Variants in CACNA1B observed in about 807,000 individuals in gnomAD.
The protein encoded by CACNA1B is voltage-dependent N-type calcium channel subunit alpha-1B.
A neutral mutation model predicts 247.2 loss-of-function variants in CACNA1B; 70 were observed. The ratio of observed to expected loss-of-function variants is 0.28; its 90% confidence interval spans 0.23 to 0.35. The LOEUF is 0.35. CACNA1B is among the 10% of genes least tolerant of loss of function. The pLI, the probability that CACNA1B is intolerant of heterozygous loss-of-function variation, is 1.00. For missense variants in CACNA1B, 2,367 were observed against 3,197.4 expected, an observed-to-expected ratio of 0.74 and a Z score of 6.26; for synonymous variants, 1,231 against 1,294.4, an observed-to-expected ratio of 0.95 and a Z score of 1.05.
chr9:138,066,528 G>T (rs1589107795), intron 31 of CACNA1B, among the ~76,000 whole-genome samples: 1 of 152,180 alleles, frequency 6.6e-6, no homozygotes, highest in Non-Finnish European at 1.5e-5. Context: ...CTGCTGTGGG[G>T]CGTGAAAGTG....
chr9:138,108,193 T>C (rs1005632082), intron 39 of CACNA1B, among the ~76,000 whole-genome samples: 4 of 149,918 alleles, frequency 2.7e-5, no homozygotes, highest in Non-Finnish European at 5.9e-5. Flanking sequence ...AAAAATTAGC[T>C]GAATGTGGTG....
rs770287263 is a variant in CACNA1B, at chr9:138,072,833, C to G, written c.4675-655C>G. 1.3e-5 allele frequency among the ~76,000 whole-genome samples: 2 copies of G among 152,240 alleles called. No homozygotes were observed. Among genetic ancestry groups the G allele is most frequent in the Non-Finnish European group, 2.9e-5 (2 of 68,046 alleles). On this transcript the variant is annotated intron_variant, in intron 32 of 46. Coordinates refer to ENST00000371372, the MANE Select transcript of CACNA1B (RefSeq NM_000718.4). The surrounding 1 kb of genome is among the most constrained non-coding windows in gnomAD (Gnocchi z 4.5). ...AGGGAGCTCCACTAGACAGCCTGGG[C>G]TCTCTAGAGCAGAGGCCTGTTTGAC...
rs1438916364 is a variant in CACNA1B at position 138,087,300 on chromosome 9, A to C, written c.5094+9042A>C. On this transcript the variant is annotated intron_variant, in intron 36 of 46. Coordinates refer to ENST00000371372, the MANE Select transcript of CACNA1B (RefSeq NM_000718.4). Reference sequence around the variant, plus strand: ...CTCAGGAGGCTGAGGCAGGAGAATCACTTGAACCTGGGAGGCAGAGTTTGC... The same window carrying C: ...CTCAGGAGGCTGAGGCAGGAGAATCCCTTGAACCTGGGAGGCAGAGTTTGC... 1.4e-4 allele frequency among the ~76,000 whole-genome samples: 20 copies of C among 145,374 alleles called. No individual in the cohort carries two copies. In the East Asian group the frequency reaches 4.5e-3, roughly 32 times the overall value.
chr9:138,040,523 A>C (rs545268570), intron 20 of CACNA1B: 1 of 413,942 alleles, frequency 2.4e-6, no homozygotes, highest in Admixed American at 2.6e-5. Flanking sequence ...GAGTTTATTA[A>C]GTATTAACTT....
Position 138,078,184 on chromosome 9 carries a change from G to T in CACNA1B, c.5020G>T (p.Ala1674Ser). Reference protein sequence around the residue: ...CLSNQACDEQANATECGSDFA... With the variant: ...CLSNQACDEQSNATECGSDFA... The stretch of plus-strand genomic sequence containing the variant: ...GAGCAACCAGGCCTGTGATGAGCAG[G>T]CCAATGCCACCGAGTGTGGAAGTGA... Residue 1674 changes from alanine (A) to serine (S), a missense_variant, in exon 36 of 47, where the codon GCC becomes TCC. Coordinates refer to ENST00000371372, the MANE Select transcript of CACNA1B (RefSeq NM_000718.4). 6.2e-7 allele frequency: 1 copy of T among 1,613,924 alleles called. No homozygotes were observed. Among genetic ancestry groups the T allele is most frequent in the African/African-American group, 1.3e-5 (1 of 75,046 alleles).
At chr9:138,090,921 A>G (rs1960858432) in intron 36 of CACNA1B, among the ~76,000 whole-genome samples, 1 of 152,022 alleles carries the variant, frequency 6.6e-6, no homozygotes, top group African/African-American at 2.4e-5. Flanking sequence ...AAAAAAAATA[A>G]CAAATACTCA....
chr9:137,955,077 G>A lies in CACNA1B; in HGVS notation c.1071-621G>A, dbSNP rs1957931413. On this transcript the variant is annotated intron_variant, in intron 7 of 46. Transcript: ENST00000371372. This position sits in a 1 kb window ranked among gnomAD's most constrained non-coding sequence, Gnocchi z 6.9. ...CTGGGGTGAGATGTCGGGGGCCAATGACAGAAGGTCTCCTCTCCTGCTCAC... is the reference window on the plus strand; with the variant it reads ...CTGGGGTGAGATGTCGGGGGCCAATAACAGAAGGTCTCCTCTCCTGCTCAC... Among the ~76,000 whole-genome samples the A allele has an allele frequency of 6.6e-6, 1 of 152,046 alleles. No homozygotes were observed. Among genetic ancestry groups the A allele is most frequent in the African/African-American group, 2.4e-5 (1 of 41,380 alleles).
intron 31 of CACNA1B, 120 bp from the exon 32 acceptor site, chr9:138,069,638 T>C: frequency 1.3e-6 from 1 of 743,178 alleles, no homozygotes; most frequent in Non-Finnish European, 2.4e-6. Flanking sequence ...ACTCACGCCA[T>C]CCAACCAACA....
intron 23 of CACNA1B, among the ~76,000 whole-genome samples, chr9:138,048,838 C>T (rs957154839): frequency 5.3e-5 from 8 of 152,204 alleles, no homozygotes; most frequent in Admixed American, 4.6e-4. Flanking sequence ...ATGCCTCAGC[C>T]TCTCAAGTAA....
Position 138,118,018 on chromosome 9 carries a change from G to T in CACNA1B, c.5850G>T (p.Glu1950Asp). 2 of 1,601,434 alleles carry T rather than the reference G, an allele frequency of 1.2e-6. No individual in the cohort carries two copies. Among genetic ancestry groups the T allele is most frequent in the Non-Finnish European group, 1.7e-6 (2 of 1,173,914 alleles). The change falls in exon 43 of 47, where the codon GAG becomes GAT. Residue 1950 changes from glutamate to aspartate, a missense_variant. Physicochemically the swap from Glu to Asp is conservative, Grantham distance 45. Around this residue, in one of 12 missense-constraint regions of CACNA1B, gnomAD observed 773 missense variants for 779.4 expected, o/e 0.99. Transcript: ENST00000371372. ...AAAGGACCCAGGATGCACCCCATGA[G>T]GCCAGGCCACCCCTGGAGCGTGGCC... Reference protein sequence around the residue: ...GTQRTQDAPHEARPPLERGHS... With the variant: ...GTQRTQDAPHDARPPLERGHS...
At chr9:138,021,118 C>T (rs1228546635) in intron 18 of CACNA1B, among the ~76,000 whole-genome samples, 1 of 152,226 alleles carries the variant, frequency 6.6e-6, no homozygotes, top group Non-Finnish European at 1.5e-5. Context: ...CTGTTTTACA[C>T]CACTCAGCAC....
At chr9:138,071,188 G>A (rs1339976929) in intron 32 of CACNA1B, among the ~76,000 whole-genome samples, 1 of 152,260 alleles carries the variant, frequency 6.6e-6, no homozygotes, top group Admixed American at 6.5e-5. Flanking sequence ...GAAAGCTGAG[G>A]ATTGAAGGGT....
intron 17 of CACNA1B, 46 bp from the exon 18 acceptor site, chr9:138,013,083 C>A: frequency 7.2e-7 from 1 of 1,397,334 alleles, no homozygotes; most frequent in Non-Finnish European, 1.0e-6. Flanking sequence ...GTTAGAGTGG[C>A]TATAACACTG....
intron 20 of CACNA1B, among the ~76,000 whole-genome samples, chr9:138,025,897 C>T (rs1478857547): frequency 6.6e-6 from 1 of 151,960 alleles, no homozygotes; most frequent in Non-Finnish European, 1.5e-5. Flanking sequence ...TTCTTAAGTA[C>T]AGAGAAAAAA....
chr9:137,884,957 T>TC (rs370592773), intron 3 of CACNA1B, among the ~76,000 whole-genome samples: 4,548 of 60,388 alleles, frequency 0.075, 520 homozygotes, highest in African/African-American at 0.23. Context: ...TCTCCCCTCT[T>TC]CCCCCCCCCC....
intron 2 of CACNA1B, among the ~76,000 whole-genome samples, chr9:137,879,678 C>A (rs1054259131): frequency 3.3e-5 from 5 of 152,194 alleles, no homozygotes; most frequent in Non-Finnish European, 5.9e-5. Flanking sequence ...CATTCTGAAT[C>A]ATTTTTACCT....
In CACNA1B at chr9:138,115,649, G is replaced by C; in HGVS notation, c.5747G>C (p.Ser1916Thr). ...GCCCGGGTTTTCCTTCGACAGAAGA[G>C]TTCCACCTCCCTCAGCAATGGCGGG... ...RGARVFLRQK[S>T]STSLSNGGAI... Residue 1916 changes from serine (S) to threonine (T), a missense_variant, in exon 42 of 47, where the codon AGT becomes ACT. Transcript: ENST00000371372. 6.2e-7 allele frequency: 1 copy of C among 1,613,716 alleles called. No homozygotes were observed. Among genetic ancestry groups the C allele is most frequent in the Non-Finnish European group, 8.5e-7 (1 of 1,179,772 alleles).
intron 20 of CACNA1B, among the ~76,000 whole-genome samples, chr9:138,025,491 C>G (rs1257349007): frequency 6.6e-6 from 1 of 152,166 alleles, no homozygotes; most frequent in Non-Finnish European, 1.5e-5. Context: ...GAAGACAGAC[C>G]ACAAAACAGG....
At position 138,073,917 on chromosome 9, in the gene CACNA1B, C is replaced by T; in HGVS notation, c.4792-84C>T. ...CTTGAGTAGGCTGAGGTCTGTGTGA[C>T]CTCAAAGGCCCAGCCACCGTAGCAG... On this transcript the variant is annotated intron_variant, in intron 33 of 46. Transcript: ENST00000371372. The surrounding 1 kb of genome is among the most constrained non-coding windows in gnomAD (Gnocchi z 6.4). 1 of 1,101,090 alleles carries T rather than the reference C, an allele frequency of 9.1e-7. No individual in the cohort carries two copies. The allele number at this position is 1,101,090 out of a possible 1,614,324, so 68.2% of individuals were successfully genotyped here. A position where few individuals can be genotyped will look rare whatever the true frequency, so the allele number is the denominator to read the frequency against.
Sources: gnomAD v4.1 joint callset for allele counts (sites outside exome capture counted in the v4.1 genomes callset) on GRCh38, gnomAD v4.1.1 for gene constraint, gnomAD v4.1.1 regional missense constraint, Gnocchi (gnomAD v3.1) non-coding constraint, MANE v1.5 for transcripts, NCBI Gene and HGNC (gene_info 2026-07-23, HGNC 2026-07-21) for gene names.